LMAN2: variants seen among roughly 807,000 people sequenced by gnomAD.
LMAN2 encodes vesicular integral-membrane protein VIP36.
Under a neutral mutation model 39.3 loss-of-function variants are expected in LMAN2, and 22 were observed. The observed-to-expected ratio is 0.56, with a 90% CI of 0.40 to 0.80. The LOEUF is 0.80. Among genes scored for constraint, LMAN2 ranks in the 30% least tolerant of loss-of-function variants. The probability of loss-of-function intolerance (pLI) is 0.00; values close to 1 mark genes in which losing one functional copy is unlikely to be tolerated. For missense variants in LMAN2, 494 were observed against 505.4 expected (o/e 0.98, Z 0.22); for synonymous variants, 207 against 207.8 (o/e 1.00, Z 0.03).
At chr5:177,346,579 G>T (rs919228461) in intron 2 of LMAN2, among the ~76,000 whole-genome samples, 3 of 151,780 alleles carry the variant, frequency 2.0e-5, no homozygotes, top group Non-Finnish European at 4.4e-5. Flanking sequence ...CTAAGTTTTT[G>T]TATGTACCTA....
At chr5:177,333,605 C>T (rs555664234) in intron 7 of LMAN2, among the ~76,000 whole-genome samples, 8 of 152,364 alleles carry the variant, frequency 5.3e-5, no homozygotes, top group Admixed American at 1.3e-4. Context: ...GGCTGGGCTA[C>T]GACAGAGCCC....
At chr5:177,343,706 T>C (rs867652493) in intron 2 of LMAN2, among the ~76,000 whole-genome samples, 8 of 152,282 alleles carry the variant, frequency 5.3e-5, no homozygotes, top group Middle Eastern at 3.4e-3. Context: ...ATTGTATGCC[T>C]CCATTTATCA....
chr5:177,339,264 A>G (rs1761519303), intron 2 of LMAN2, among the ~76,000 whole-genome samples: 1 of 152,186 alleles, frequency 6.6e-6, no homozygotes, highest in Admixed American at 6.5e-5. Context: ...CACCCTGCTA[A>G]CCAACCTTCC....
intron 2 of LMAN2, among the ~76,000 whole-genome samples, chr5:177,343,661 C>T (rs2127318098): frequency 9.5e-6 from 1 of 105,540 alleles, no homozygotes; most frequent in African/African-American, 4.2e-5. Flanking sequence ...GAACGTTCAA[C>T]ATATGCTCAG....
intron 3 of LMAN2, among the ~76,000 whole-genome samples, chr5:177,338,243 G>A (rs1435344019): frequency 6.6e-6 from 1 of 152,188 alleles, no homozygotes; most frequent in Non-Finnish European, 1.5e-5. Context: ...GTAAAACCAG[G>A]CCAATGAGGG....
At chr5:177,335,992 G>A (rs1015823240) in intron 6 of LMAN2, among the ~76,000 whole-genome samples, 55 of 152,352 alleles carry the variant, frequency 3.6e-4, no homozygotes, top group African/African-American at 1.1e-3. Context: ...CCCAGTGCTC[G>A]CTGAGCACCT....
At chr5:177,334,107 A>G (rs767893430) in intron 7 of LMAN2, among the ~76,000 whole-genome samples, 177 bp downstream of exon 7, 1 of 152,222 alleles carries the variant, frequency 6.6e-6, no homozygotes, top group Non-Finnish European at 1.5e-5. Context: ...TCCAAGCCCA[A>G]TACTCTAGGA....
chr5:177,344,880 TG>T (rs1387686981), intron 2 of LMAN2, among the ~76,000 whole-genome samples: 1 of 150,880 alleles, frequency 6.6e-6, no homozygotes, highest in African/African-American at 2.4e-5. Context: ...CACTCCAGCC[TG>T]GGCAACAGAG....
At chr5:177,342,337 C>A (rs1428099050) in intron 2 of LMAN2, among the ~76,000 whole-genome samples, 1 of 151,870 alleles carries the variant, frequency 6.6e-6, no homozygotes, top group Non-Finnish European at 1.5e-5. Context: ...AAGACTCCAT[C>A]TCTATAAAAA....
intron 2 of LMAN2, among the ~76,000 whole-genome samples, chr5:177,340,984 T>C (rs1761543090): frequency 6.6e-6 from 1 of 151,564 alleles, no homozygotes; most frequent in African/African-American, 2.4e-5. Flanking sequence ...CACGATCTCC[T>C]GACCTTGTGA....
At chr5:177,344,589 T>C (rs1234651713) in intron 2 of LMAN2, among the ~76,000 whole-genome samples, 2 of 151,124 alleles carry the variant, frequency 1.3e-5, no homozygotes, top group South Asian at 2.1e-4. Flanking sequence ...CTGTGTTACA[T>C]ACATTTTATC....
chr5:177,341,341 C>T (rs780749155), intron 2 of LMAN2, among the ~76,000 whole-genome samples: 18 of 152,066 alleles, frequency 1.2e-4, no homozygotes, highest in Admixed American at 2.6e-4. Flanking sequence ...GCTGGGATTA[C>T]AGGCGTGAGC....
Position 177,337,279 on chromosome 5 carries a change from G to A in LMAN2, c.676-29C>T, listed in dbSNP as rs376846621. The A allele has an allele frequency of 1.4e-5, 23 of 1,612,782 alleles. No homozygotes were observed. Among genetic ancestry groups the A allele is most frequent in the Middle Eastern group, 3.3e-4 (2 of 6,060 alleles). On this transcript the variant is annotated intron_variant, in intron 5 of 7. Coordinates refer to ENST00000303127, the MANE Select transcript of LMAN2 (RefSeq NM_006816.3). This position sits in a 1 kb window ranked among gnomAD's most constrained non-coding sequence, Gnocchi z 8.2. ...CAGGGCCCAGCACGCTAAGCACCTCGCAGGACAGCAGCCTGCCCTCCTGAG... is the reference window on the plus strand; with the variant it reads ...CAGGGCCCAGCACGCTAAGCACCTCACAGGACAGCAGCCTGCCCTCCTGAG...
intron 2 of LMAN2, among the ~76,000 whole-genome samples, chr5:177,341,461 G>A (rs543033515): frequency 1.1e-4 from 17 of 152,328 alleles, no homozygotes; most frequent in Admixed American, 5.2e-4. Flanking sequence ...CCGGCTTCAC[G>A]GCGGGAACAG....
Position 177,351,414 on chromosome 5 carries a change from C to A in LMAN2, c.196+38G>T, listed in dbSNP as rs201808010. 201 of 1,607,276 alleles carry A rather than the reference C, an allele frequency of 1.3e-4. 1 individual carries two copies. The East Asian group carries it at 4.3e-3, about 34-fold the overall frequency. Reference sequence around the variant, plus strand: ...CTTCCCCTAGCCCTGTTCAGCCTCGCCCTCACTCTTCACTCATTCCCGCCC... The same window carrying A: ...CTTCCCCTAGCCCTGTTCAGCCTCGACCTCACTCTTCACTCATTCCCGCCC... On this transcript the variant is annotated intron_variant, in intron 1 of 7. Transcript: ENST00000303127.
intron 2 of LMAN2, among the ~76,000 whole-genome samples, chr5:177,350,165 A>G (rs951538571): frequency 6.6e-6 from 1 of 152,150 alleles, no homozygotes; most frequent in Non-Finnish European, 1.5e-5. Flanking sequence ...GGAGAGGAGG[A>G]GCAGAGGGGA....
chr5:177,345,752 T>C (rs1355264725), intron 2 of LMAN2, among the ~76,000 whole-genome samples: 2 of 149,196 alleles, frequency 1.3e-5, no homozygotes, highest in Admixed American at 6.7e-5. Flanking sequence ...TTTATTTATT[T>C]ATTTATTTAT....
In LMAN2 at chr5:177,337,921, C is replaced by T. The variant is rs1284028023; in HGVS notation, c.434-136G>A. 3 of 715,580 alleles carry T rather than the reference C, an allele frequency of 4.2e-6. No individual in the cohort carries two copies. Among genetic ancestry groups the T allele is most frequent in the Non-Finnish European group, 7.2e-6 (3 of 419,108 alleles). The allele number at this position is 715,580 out of a possible 1,614,324, so 44.3% of individuals were successfully genotyped here. A position where few individuals can be genotyped will look rare whatever the true frequency, so the allele number is the denominator to read the frequency against. Reference sequence around the variant, plus strand: ...GGCCATTCACCGAGAGAGAAGGGATCGTGAAAGGAGAAAGCTGAGGCTTTC... The same window carrying T: ...GGCCATTCACCGAGAGAGAAGGGATTGTGAAAGGAGAAAGCTGAGGCTTTC... On this transcript the variant is annotated intron_variant, in intron 3 of 7. Coordinates refer to ENST00000303127, the MANE Select transcript of LMAN2 (RefSeq NM_006816.3). The surrounding 1 kb of genome is among the most constrained non-coding windows in gnomAD (Gnocchi z 8.2).
At chr5:177,348,380 A>G (rs1761668319) in intron 2 of LMAN2, among the ~76,000 whole-genome samples, 1 of 152,152 alleles carries the variant, frequency 6.6e-6, no homozygotes, top group Admixed American at 6.5e-5. Flanking sequence ...TGAAAGTACA[A>G]GTTCAATTAA....
Sources: gnomAD v4.1 joint callset for allele counts (sites outside exome capture counted in the v4.1 genomes callset) on GRCh38, gnomAD v4.1.1 for gene constraint, Gnocchi (gnomAD v3.1) non-coding constraint, MANE v1.5 for transcripts, NCBI Gene and HGNC (gene_info 2026-07-23, HGNC 2026-07-21) for gene names.